MTCL2: variants seen among roughly 807,000 people sequenced by gnomAD.
MTCL2 encodes the protein microtubule cross-linking factor 2.
At chr20:36,858,111 T>G in the MTCL2 span, among the ~76,000 whole-genome samples, 2 of 152,114 alleles carry the variant, frequency 1.3e-5, no homozygotes, top group African/African-American at 4.8e-5. Context: ...AAAAGCTCAC[T>G]GCTCTGGTCA....
chr20:36,829,768 C>T, the MTCL2 span, among the ~76,000 whole-genome samples: 1 of 151,828 alleles, frequency 6.6e-6, no homozygotes, highest in African/African-American at 2.4e-5. Flanking sequence ...GAGGTCGAGA[C>T]AGGTGGATCA....
At chr20:36,824,193 C>T in the MTCL2 span, among the ~76,000 whole-genome samples, 1 of 152,238 alleles carries the variant, frequency 6.6e-6, no homozygotes, top group Non-Finnish European at 1.5e-5. Flanking sequence ...TCCCTGGGAT[C>T]TACACAAGAG....
the MTCL2 span, chr20:36,816,073 C>A: frequency 6.2e-7 from 1 of 1,613,618 alleles, no homozygotes; most frequent in South Asian, 1.1e-5. Flanking sequence ...AGCAGGTTGG[C>A]TTCCTCCTCC....
the MTCL2 span, chr20:36,815,849 G>C: frequency 1.2e-6 from 2 of 1,601,370 alleles, no homozygotes; most frequent in Non-Finnish European, 1.7e-6. The surrounding 1 kb of genome is among the most constrained non-coding windows in gnomAD (Gnocchi z 5.3). Flanking sequence ...CCTCGAGCTC[G>C]GCAGAGGAGC....
chr20:36,794,500 G>A, the MTCL2 span: 1 of 1,613,954 alleles, frequency 6.2e-7, no homozygotes, highest in African/African-American at 1.3e-5. The surrounding 1 kb of genome is among the most constrained non-coding windows in gnomAD (Gnocchi z 5.4). Flanking sequence ...CAAAGGCAGG[G>A]TTGTTAGGCA....
the MTCL2 span, chr20:36,782,501 T>C: frequency 6.6e-6 from 1 of 152,172 alleles, no homozygotes; most frequent in Non-Finnish European, 1.5e-5. Flanking sequence ...CCTCCCAGAG[T>C]TGTCCCTGAG....
chr20:36,781,862 T>G, the MTCL2 span: 1 of 151,940 alleles, frequency 6.6e-6, no homozygotes. Flanking sequence ...TTGAGACAAG[T>G]CTCATTCCGT....
chr20:36,806,214 G>C, the MTCL2 span, among the ~76,000 whole-genome samples: 1 of 152,154 alleles, frequency 6.6e-6, no homozygotes, highest in African/African-American at 2.4e-5. Flanking sequence ...GCTACATAAG[G>C]GTGACCAAAG....
the MTCL2 span, among the ~76,000 whole-genome samples, chr20:36,854,632 C>A: frequency 6.6e-6 from 1 of 151,916 alleles, no homozygotes; most frequent in Non-Finnish European, 1.5e-5. Flanking sequence ...CAAGGAGAGG[C>A]GGGGAGGGGA....
At chr20:36,813,287 T>C in the MTCL2 span, among the ~76,000 whole-genome samples, 3 of 102,304 alleles carry the variant, frequency 2.9e-5, no homozygotes, top group African/African-American at 1.2e-4. Flanking sequence ...CCCTCCAGCG[T>C]GGGCAACAGA....
At chr20:36,841,874 G>GGGGTGTGTGGGTGT in the MTCL2 span, among the ~76,000 whole-genome samples, 157 of 110,860 alleles carry the variant, frequency 1.4e-3, no homozygotes, top group East Asian at 0.013. Flanking sequence ...TGGGGGGTGG[G>GGGGTGTGTGGGTGT]GTGTGTGTGT....
At chr20:36,815,400 A>G in the MTCL2 span, 1 of 1,612,878 alleles carries the variant, frequency 6.2e-7, no homozygotes, top group African/African-American at 1.3e-5. The surrounding 1 kb of genome is among the most constrained non-coding windows in gnomAD (Gnocchi z 5.3). Context: ...ACACAGCCGG[A>G]GGCCAGCCGT....
the MTCL2 span, chr20:36,815,005 T>A: frequency 3.1e-6 from 3 of 957,408 alleles, no homozygotes; most frequent in Admixed American, 8.1e-5. This position sits in a 1 kb window ranked among gnomAD's most constrained non-coding sequence, Gnocchi z 5.3. Flanking sequence ...GAGGCTGCAG[T>A]GAACTGAGAT....
At chr20:36,829,699 T>C in the MTCL2 span, among the ~76,000 whole-genome samples, 3 of 152,100 alleles carry the variant, frequency 2.0e-5, no homozygotes, top group Non-Finnish European at 2.9e-5. Flanking sequence ...TGCATTTTTA[T>C]GTAGACACGG....
At chr20:36,845,796 C>T in the MTCL2 span, among the ~76,000 whole-genome samples, 1 of 152,104 alleles carries the variant, frequency 6.6e-6, no homozygotes, top group Non-Finnish European at 1.5e-5. Flanking sequence ...GGCCTCCATC[C>T]CAGGAGAGCT....
the MTCL2 span, among the ~76,000 whole-genome samples, chr20:36,800,284 A>G: frequency 5.9e-5 from 9 of 152,226 alleles, no homozygotes; most frequent in Admixed American, 5.9e-4. Context: ...ATCATTTTAG[A>G]AACATTTTGT....
the MTCL2 span, chr20:36,863,080 C>A: frequency 1.4e-6 from 2 of 1,403,066 alleles, no homozygotes; most frequent in Non-Finnish European, 9.3e-7. This position sits in a 1 kb window ranked among gnomAD's most constrained non-coding sequence, Gnocchi z 6.2. Context: ...CGGACCCCGG[C>A]CACCCGCACA....
At chr20:36,794,147 C>T in the MTCL2 span, 404 of 1,551,248 alleles carry the variant, frequency 2.6e-4, no homozygotes, top group Admixed American at 6.1e-4. This position sits in a 1 kb window ranked among gnomAD's most constrained non-coding sequence, Gnocchi z 5.4. Flanking sequence ...TCCGTCCAGG[C>T]GCTGCCGTGA....
the MTCL2 span, among the ~76,000 whole-genome samples, chr20:36,835,852 C>CCCG: frequency 3.3e-5 from 5 of 152,212 alleles, no homozygotes; most frequent in South Asian, 4.1e-4. Flanking sequence ...CACCCGCCTC[C>CCCG]CCGCCGCCGC....
Sources: gnomAD v4.1 joint callset for allele counts (sites outside exome capture counted in the v4.1 genomes callset) on GRCh38, gnomAD v4.1.1 for gene constraint, Gnocchi (gnomAD v3.1) non-coding constraint, MANE v1.5 for transcripts, NCBI Gene and HGNC (gene_info 2026-07-23, HGNC 2026-07-21) for gene names.